MYO3A: variants seen among roughly 807,000 people sequenced by gnomAD.
The protein encoded by MYO3A is myosin-IIIa.
A neutral mutation model predicts 192.7 loss-of-function variants in MYO3A; 180 were observed. That is an observed-to-expected ratio of 0.93 (90% CI 0.83 to 1.06). The LOEUF is 1.06. MYO3A is among the 50% of genes least tolerant of loss of function. The pLI is 0.00. For missense variants in MYO3A, 1,896 were observed against 1,905.0 expected, an observed-to-expected ratio of 1.00 and a Z score of 0.09; for synonymous variants, 628 against 645.3, an observed-to-expected ratio of 0.97 and a Z score of 0.41.
intron 10 of MYO3A, among the ~76,000 whole-genome samples, chr10:26,056,160 T>C (rs1834097172): frequency 6.6e-6 from 1 of 152,076 alleles, no homozygotes; most frequent in African/African-American, 2.4e-5. Flanking sequence ...GAGAAGGAAT[T>C]TGAAATGTTA....
intron 7 of MYO3A, among the ~76,000 whole-genome samples, chr10:26,017,829 A>C (rs1172458460): frequency 1.3e-5 from 2 of 151,542 alleles, no homozygotes; most frequent in African/African-American, 4.8e-5. Flanking sequence ...AAGCAAAAAC[A>C]AAAATTGAAT....
chr10:26,131,338 C>A (rs1415772646), intron 20 of MYO3A, among the ~76,000 whole-genome samples: 1 of 111,594 alleles, frequency 9.0e-6, no homozygotes, highest in Admixed American at 9.2e-5. Context: ...GATCAAGAAA[C>A]TACAGTAAAA....
rs1207916406 is a variant in MYO3A, at chr10:26,074,045, A to G, written c.1359+3644A>G. Among the ~76,000 whole-genome samples, 3 of 152,328 alleles carry G rather than the reference A, an allele frequency of 2.0e-5. No individual in the cohort carries two copies. In the East Asian group the frequency reaches 5.8e-4, roughly 29 times the overall value. On this transcript the variant is annotated intron_variant, in intron 14 of 34. Transcript: ENST00000642920. Reference sequence around the variant, plus strand: ...TTGATTTTCCAGGTAAAGATCTTAAAGTAAGATAAAATTGTATTTTAATAA... The same window carrying G: ...TTGATTTTCCAGGTAAAGATCTTAAGGTAAGATAAAATTGTATTTTAATAA...
At chr10:25,996,042 A>T (rs1840414841) in intron 4 of MYO3A, among the ~76,000 whole-genome samples, 1 of 152,224 alleles carries the variant, frequency 6.6e-6, no homozygotes, top group Admixed American at 6.5e-5. Flanking sequence ...TCAGACAGGG[A>T]CATTTAAGTC....
intron 31 of MYO3A, among the ~76,000 whole-genome samples, chr10:26,182,124 AG>A (rs1453826660): frequency 1.3e-5 from 2 of 152,266 alleles, no homozygotes; most frequent in Non-Finnish European, 2.9e-5. Flanking sequence ...CTAGGGTTCT[AG>A]AAGAGTTGAG....
chr10:26,178,701 TCAGA>T (rs576174763), intron 31 of MYO3A, among the ~76,000 whole-genome samples: 24 of 152,324 alleles, frequency 1.6e-4, no homozygotes, highest in East Asian at 5.8e-4. Flanking sequence ...AAAAGGGAAC[TCAGA>T]CAGTCTGAAG....
In MYO3A at chr10:26,158,606, A is replaced by G. The variant is rs1459022927; in HGVS notation, c.2999+1091A>G. On this transcript the variant is annotated intron_variant, in intron 26 of 34. Coordinates refer to ENST00000642920, the MANE Select transcript of MYO3A (RefSeq NM_017433.5). ...TAACATAAAATAAATTAAGCTATAT[A>G]CTAAATATATTTTATTGAGTAATAC... is the stretch of plus-strand genomic sequence containing the variant. 3.3e-5 allele frequency among the ~76,000 whole-genome samples: 5 copies of G among 152,220 alleles called. No individual in the cohort carries two copies. In the East Asian group the frequency reaches 9.6e-4, roughly 29 times the overall value.
Position 26,077,135 on chromosome 10 carries a change from A to T in MYO3A, c.1359+6734A>T, listed in dbSNP as rs572148161. Reference sequence around the variant, plus strand: ...GATTCTACCCATCCAGGAGCATGGGATGTGTTTCCATTCATGTCATCTATG... The same window carrying T: ...GATTCTACCCATCCAGGAGCATGGGTTGTGTTTCCATTCATGTCATCTATG... On this transcript the variant is annotated intron_variant, in intron 14 of 34. Coordinates refer to ENST00000642920, the MANE Select transcript of MYO3A (RefSeq NM_017433.5). Among the ~76,000 whole-genome samples the T allele has an allele frequency of 2.7e-5, 4 of 145,896 alleles. No homozygotes were observed. The East Asian group carries it at 8.5e-4, about 31-fold the overall frequency.
At chr10:26,182,331 C>A (rs1842653342) in intron 31 of MYO3A, among the ~76,000 whole-genome samples, 1 of 152,196 alleles carries the variant, frequency 6.6e-6, no homozygotes, top group Non-Finnish European at 1.5e-5. Flanking sequence ...CTGTCTCAAG[C>A]CACTAAAAGT....
At chr10:26,083,934 T>C (rs549900956) in intron 14 of MYO3A, among the ~76,000 whole-genome samples, 3 of 152,346 alleles carry the variant, frequency 2.0e-5, no homozygotes, top group South Asian at 4.1e-4. Flanking sequence ...CCTTCCAAAA[T>C]GTCCTTTTTC....
chr10:25,941,116 A>G (rs1836459913), intron 2 of MYO3A, among the ~76,000 whole-genome samples: 1 of 152,228 alleles, frequency 6.6e-6, no homozygotes, highest in Admixed American at 6.5e-5. Flanking sequence ...ATTAGTGACA[A>G]ATGTTTGTCA....
intron 10 of MYO3A, among the ~76,000 whole-genome samples, chr10:26,038,111 G>A (rs542164824): frequency 2.6e-5 from 4 of 152,290 alleles, no homozygotes; most frequent in African/African-American, 7.2e-5. Context: ...TGCCTCTGTA[G>A]TATAATTTGA....
At chr10:25,993,652 T>C (rs538411913) in intron 4 of MYO3A, among the ~76,000 whole-genome samples, 1 of 152,342 alleles carries the variant, frequency 6.6e-6, no homozygotes, top group East Asian at 1.9e-4. Context: ...GGGCATTTAG[T>C]GCTATAAATT....
At chr10:26,044,331 G>C (rs1265341310) in intron 10 of MYO3A, among the ~76,000 whole-genome samples, 4 of 152,368 alleles carry the variant, frequency 2.6e-5, no homozygotes, top group Middle Eastern at 3.4e-3. Context: ...TCTGAGCCCA[G>C]TTCAGCAGTA....
At chr10:25,999,232 G>T (rs1007443939) in intron 6 of MYO3A, among the ~76,000 whole-genome samples, 1 of 152,100 alleles carries the variant, frequency 6.6e-6, no homozygotes, top group African/African-American at 2.4e-5. Context: ...TCATAAATTG[G>T]AGTAGTTAAC....
At chr10:26,113,394 C>G (rs372476808) in intron 17 of MYO3A, among the ~76,000 whole-genome samples, 2 of 150,268 alleles carry the variant, frequency 1.3e-5, no homozygotes, top group African/African-American at 4.9e-5. Flanking sequence ...TGCTTGAACG[C>G]GGGAGGTGGA....
chr10:25,989,186 T>A (rs1439346484), intron 4 of MYO3A, among the ~76,000 whole-genome samples: 2 of 151,640 alleles, frequency 1.3e-5, no homozygotes, highest in African/African-American at 2.4e-5. Context: ...CCTTAAGTGA[T>A]CCTTTCACCT....
intron 10 of MYO3A, among the ~76,000 whole-genome samples, chr10:26,035,704 A>G (rs1842994118): frequency 6.6e-6 from 1 of 152,230 alleles, no homozygotes; most frequent in South Asian, 2.1e-4. Context: ...TAACTCAAGT[A>G]TAATGATTTT....
chr10:26,169,578 C>A (rs1841939113), intron 28 of MYO3A, among the ~76,000 whole-genome samples: 1 of 152,174 alleles, frequency 6.6e-6, no homozygotes, highest in Non-Finnish European at 1.5e-5. Flanking sequence ...TGGCCTACTA[C>A]ATCAATTTTA....
Sources: allele counts gnomAD v4.1 joint callset (sites outside exome capture counted in the v4.1 genomes callset), GRCh38; gene constraint gnomAD v4.1.1; transcripts MANE v1.5; gene names NCBI Gene and HGNC (gene_info 2026-07-23, HGNC 2026-07-21).